Variants in CACNA2D3 observed in about 807,000 individuals in gnomAD.
CACNA2D3 encodes calcium voltage-gated channel auxiliary subunit alpha2delta 3.
In CACNA2D3, 60 loss-of-function variants were observed where a neutral mutation model predicts 160.6. The ratio of observed to expected loss-of-function variants is 0.37; its 90% CI spans 0.30 to 0.46. The LOEUF (loss-of-function observed/expected upper bound fraction) is 0.46, where lower values mean the gene tolerates loss of function less well. Ranked by LOEUF, CACNA2D3 falls within the 20% of genes least tolerant of loss-of-function variation. The pLI is 1.00. For synonymous variants in CACNA2D3, 558 were observed against 492.9 expected (o/e 1.13, Z -1.75); for missense variants, 1,205 against 1,365.0 (o/e 0.88, Z 1.85).
At chr3:54,733,633 A>T (rs554690018) in intron 11 of CACNA2D3, among the ~76,000 whole-genome samples, 2 of 152,308 alleles carry the variant, frequency 1.3e-5, no homozygotes, top group East Asian at 3.9e-4. Context: ...GTTGTAGCTA[A>T]TTAGAGCAGG....
At chr3:54,845,783 T>C (rs1236441075) in intron 16 of CACNA2D3, among the ~76,000 whole-genome samples, 1 of 152,222 alleles carries the variant, frequency 6.6e-6, no homozygotes, top group Non-Finnish European at 1.5e-5. Context: ...AGGCTTTGTG[T>C]TGATGGAAGC....
In CACNA2D3 at chr3:55,033,828, T is replaced by TTATATAATATGTATTACATATTA. The variant is rs59492761; in HGVS notation, c.2987+15511_2987+15512insTATATAATATGTATTACATATTA. On this transcript the variant is annotated intron_variant, in intron 35 of 37. Coordinates refer to ENST00000474759, the MANE Select transcript of CACNA2D3 (RefSeq NM_018398.3). ...ATATGTATTATATATTAAATATATTTAATATATAATATATATTACATATTA... is the reference window on the plus strand; with the variant it reads ...ATATGTATTATATATTAAATATATTTTATATAATATGTATTACATATTAAATATATAATATATATTACATATTA... Among the ~76,000 whole-genome samples, 5 of 57,008 alleles carry TTATATAATATGTATTACATATTA rather than the reference T, an allele frequency of 8.8e-5. 1 individual carries two copies. Among genetic ancestry groups the TTATATAATATGTATTACATATTA allele is most frequent in the African/African-American group, 3.7e-4 (5 of 13,334 alleles). 37.4% of individuals were successfully genotyped at this position (57,008 alleles called of 152,430 possible).
At chr3:54,530,632 T>G (rs1370539988) in intron 5 of CACNA2D3, among the ~76,000 whole-genome samples, 1 of 152,140 alleles carries the variant, frequency 6.6e-6, no homozygotes, top group East Asian at 1.9e-4. Flanking sequence ...GCTAAGTGCT[T>G]TAAATATATT....
intron 31 of CACNA2D3, among the ~76,000 whole-genome samples, chr3:55,003,997 C>T (rs1340361368): frequency 2.6e-5 from 4 of 152,046 alleles, no homozygotes; most frequent in East Asian, 1.9e-4. Flanking sequence ...TTTCTGAGTC[C>T]GAACACATGC....
rs397961895 is a variant in CACNA2D3 at position 54,165,114 on chromosome 3, A to ATTTTTTTTT, written c.204+41532_204+41540dup. Among the ~76,000 whole-genome samples, 5 of 117,886 alleles carry ATTTTTTTTT rather than the reference A, an allele frequency of 4.2e-5. 1 individual carries two copies. Among genetic ancestry groups the ATTTTTTTTT allele is most frequent in the Non-Finnish European group, 5.1e-5 (3 of 59,164 alleles). The allele number at this position is 117,886 out of a possible 152,430, so 77.3% of individuals were successfully genotyped here. ...AGAATGCTTGACTTCTCTGAATCTC[A>ATTTTTTTTT]TTTTTTTTTTTTTTTTTTTTGTCAA... On this transcript the variant is annotated intron_variant, in intron 2 of 37. Transcript: ENST00000474759.
chr3:54,820,287 A>G (rs2106720470), intron 14 of CACNA2D3, among the ~76,000 whole-genome samples: 1 of 152,336 alleles, frequency 6.6e-6, no homozygotes, highest in Admixed American at 6.5e-5. Flanking sequence ...CTGATCTGCA[A>G]CTAAAAATGT....
intron 4 of CACNA2D3, among the ~76,000 whole-genome samples, chr3:54,400,405 T>TA: frequency 6.6e-6 from 1 of 152,140 alleles, no homozygotes; most frequent in East Asian, 2.0e-4. Flanking sequence ...TCCATGGATA[T>TA]TCTGAGCACC....
intron 2 of CACNA2D3, among the ~76,000 whole-genome samples, chr3:54,249,609 C>T (rs1425289283): frequency 8.0e-6 from 1 of 124,492 alleles, no homozygotes; most frequent in East Asian, 2.5e-4. Flanking sequence ...TTGAACTTGC[C>T]AGTCTCAGTA....
intron 5 of CACNA2D3, among the ~76,000 whole-genome samples, chr3:54,544,423 A>T (rs1702029278): frequency 6.6e-6 from 1 of 150,770 alleles, no homozygotes; most frequent in Admixed American, 6.6e-5. Flanking sequence ...GTTTTTAAAG[A>T]TACAGGGTCA....
chr3:54,982,200 A>G (rs1415911197), intron 29 of CACNA2D3, among the ~76,000 whole-genome samples: 1 of 152,162 alleles, frequency 6.6e-6, no homozygotes, highest in Non-Finnish European at 1.5e-5. Context: ...AGTAGTTAAC[A>G]TTCCATAGTG....
intron 3 of CACNA2D3, among the ~76,000 whole-genome samples, chr3:54,322,774 G>A (rs754716827): frequency 2.6e-5 from 4 of 151,812 alleles, no homozygotes; most frequent in African/African-American, 9.7e-5. Flanking sequence ...TAGCGTCTTC[G>A]TATTGCCTAA....
In CACNA2D3 at chr3:54,362,393, C is replaced by T. The variant is rs113214162; in HGVS notation, c.322-24322C>T. 8.3e-3 allele frequency among the ~76,000 whole-genome samples: 1,263 copies of T among 152,318 alleles called. 16 individuals carry two copies. The highest frequency in any genetic ancestry group is 0.029 in the African/African-American group (1,194 of 41,564). On this transcript the variant is annotated intron_variant, in intron 3 of 37. Coordinates refer to ENST00000474759, the MANE Select transcript of CACNA2D3 (RefSeq NM_018398.3). ...GCCTTCAAGTCCTAGTCATGGGGCT[C>T]TCTCACCGTGTGGCAGGGAATCAAT... is the stretch of plus-strand genomic sequence containing the variant.
At chr3:54,296,432 A>C (rs1348945175) in intron 2 of CACNA2D3, among the ~76,000 whole-genome samples, 1 of 152,216 alleles carries the variant, frequency 6.6e-6, no homozygotes, top group African/African-American at 2.4e-5. Context: ...TGGAGAAGGA[A>C]ACTTACTAAC....
intron 11 of CACNA2D3, among the ~76,000 whole-genome samples, chr3:54,751,042 G>A (rs1489094375): frequency 1.3e-5 from 2 of 152,034 alleles, no homozygotes; most frequent in African/African-American, 2.4e-5. Flanking sequence ...AGTACTGGGA[G>A]TACAGGTGTG....
intron 4 of CACNA2D3, among the ~76,000 whole-genome samples, chr3:54,498,150 ATTGT>A (rs1701232949): frequency 6.6e-6 from 1 of 151,398 alleles, no homozygotes; most frequent in African/African-American, 2.4e-5. Context: ...TCTATATAAG[ATTGT>A]TTGTATTTTT....
intron 11 of CACNA2D3, among the ~76,000 whole-genome samples, chr3:54,675,183 G>T (rs1161346749): frequency 6.6e-6 from 1 of 152,184 alleles, no homozygotes; most frequent in Non-Finnish European, 1.5e-5. Flanking sequence ...TGGTATGCAG[G>T]GTTTGGGAGA....
chr3:54,934,149 TA>T (rs1701272851), intron 27 of CACNA2D3, among the ~76,000 whole-genome samples: 1 of 152,258 alleles, frequency 6.6e-6, no homozygotes, highest in South Asian at 2.1e-4. Context: ...TTTCCAGCGT[TA>T]TTTGTTGCAA....
chr3:54,262,870 G>A (rs552328024), intron 2 of CACNA2D3, among the ~76,000 whole-genome samples: 1 of 152,196 alleles, frequency 6.6e-6, no homozygotes, highest in South Asian at 2.1e-4. Flanking sequence ...TTTTATGTTT[G>A]GTATACCTTT....
intron 2 of CACNA2D3, among the ~76,000 whole-genome samples, chr3:54,314,743 A>G (rs1481359991): frequency 1.3e-5 from 2 of 152,186 alleles, no homozygotes; most frequent in Non-Finnish European, 2.9e-5. Context: ...CTTAAACATC[A>G]CTTTACTCGT....
Sources: allele counts gnomAD v4.1 joint callset (sites outside exome capture counted in the v4.1 genomes callset), GRCh38; gene constraint gnomAD v4.1.1; transcripts MANE v1.5; gene names NCBI Gene and HGNC (gene_info 2026-07-23, HGNC 2026-07-21).